PABPC4L: variants seen among roughly 807,000 people sequenced by gnomAD.
The protein encoded by PABPC4L is polyadenylate-binding protein 4-like.
For synonymous variants in PABPC4L, 169 were observed against 164.1 expected, an observed-to-expected ratio of 1.03 and a Z score of -0.23; for missense variants, 452 against 451.4, an observed-to-expected ratio of 1.00 and a Z score of -0.01.
the PABPC4L span, among the ~76,000 whole-genome samples, chr4:134,124,023 G>T: frequency 1.3e-5 from 2 of 152,212 alleles, no homozygotes; most frequent in Admixed American, 6.6e-5. Flanking sequence ...TTTTTAGAGA[G>T]AGTTCAAAGT....
chr4:133,980,547 A>AAATGTAGCTAGCCTC, the PABPC4L span, among the ~76,000 whole-genome samples: 1 of 152,174 alleles, frequency 6.6e-6, no homozygotes, highest in African/African-American at 2.4e-5. Flanking sequence ...CACACACACG[A>AAATGTAGCTAGCCTC]GACAGGGAAA....
At chr4:134,124,150 G>A in the PABPC4L span, among the ~76,000 whole-genome samples, 131 of 152,062 alleles carry the variant, frequency 8.6e-4, 1 homozygote, top group Non-Finnish European at 1.7e-3. Context: ...CCTGTAATAA[G>A]TACTGTGAAA....
chr4:133,951,101 TG>T, the PABPC4L span, among the ~76,000 whole-genome samples: 3 of 152,176 alleles, frequency 2.0e-5, 1 homozygote, highest in South Asian at 6.2e-4. Flanking sequence ...TTTGTTTGTT[TG>T]TTTTTTTGTT....
At chr4:133,966,624 G>C in the PABPC4L span, among the ~76,000 whole-genome samples, 9 of 152,230 alleles carry the variant, frequency 5.9e-5, no homozygotes, top group African/African-American at 1.9e-4. Flanking sequence ...ATACTACTCA[G>C]CCATAAAAAA....
chr4:133,975,982 C>T, the PABPC4L span, among the ~76,000 whole-genome samples: 16 of 152,076 alleles, frequency 1.1e-4, no homozygotes, highest in South Asian at 4.2e-4. Context: ...TTTTAAGTTC[C>T]GGGGTACATG....
the PABPC4L span, among the ~76,000 whole-genome samples, chr4:133,981,904 C>G: frequency 6.6e-6 from 1 of 151,862 alleles, no homozygotes; most frequent in African/African-American, 2.4e-5. Context: ...CAATTATTAA[C>G]TTTAACTGAC....
At chr4:134,112,366 A>T in the PABPC4L span, among the ~76,000 whole-genome samples, 21 of 151,972 alleles carry the variant, frequency 1.4e-4, no homozygotes, top group South Asian at 4.4e-3. Context: ...TTTACGGATG[A>T]TTTTATCGTT....
chr4:134,102,826 A>G, the PABPC4L span, among the ~76,000 whole-genome samples: 31 of 151,652 alleles, frequency 2.0e-4, no homozygotes, highest in African/African-American at 6.7e-4. Flanking sequence ...TTCTATATAT[A>G]TTTAAGTCTA....
chr4:133,955,522 A>G, the PABPC4L span, among the ~76,000 whole-genome samples: 4 of 152,288 alleles, frequency 2.6e-5, no homozygotes, highest in Middle Eastern at 3.4e-3. Flanking sequence ...TGAATATATG[A>G]ATACATTTTA....
rs1215703139 is a variant in PABPC4L, at chr4:134,199,803, C to T, written c.*104G>A. The T allele has an allele frequency of 2.2e-6, 3 of 1,379,422 alleles. No individual in the cohort carries two copies. Among genetic ancestry groups the T allele is most frequent in the South Asian group, 2.8e-5 (2 of 71,386 alleles). The allele number at this position is 1,379,422 out of a possible 1,614,324, so 85.4% of individuals were successfully genotyped here. A position where few individuals can be genotyped will look rare whatever the true frequency, so the allele number is the denominator to read the frequency against. ...ATCATAAAGTTTACTAAACTAAGCA[C>T]CCATCATGTGGAATATGAAATTTAC... On this transcript the variant is annotated 3_prime_UTR_variant, in exon 2 of 2. Transcript: ENST00000421491.
chr4:134,115,710 G>A, the PABPC4L span, among the ~76,000 whole-genome samples: 2 of 151,774 alleles, frequency 1.3e-5, no homozygotes, highest in African/African-American at 4.8e-5. Flanking sequence ...GCTGCTGGAT[G>A]TCAAAATTAG....
chr4:134,088,167 TA>T, the PABPC4L span, among the ~76,000 whole-genome samples: 1 of 152,070 alleles, frequency 6.6e-6, no homozygotes. Flanking sequence ...TCCTAAAAAT[TA>T]GAATATTCTG....
the PABPC4L span, among the ~76,000 whole-genome samples, chr4:133,956,337 G>T: frequency 1.6e-4 from 24 of 152,096 alleles, no homozygotes; most frequent in African/African-American, 5.8e-4. Context: ...GTAATAATAG[G>T]GAAGGAGATG....
the PABPC4L span, among the ~76,000 whole-genome samples, chr4:133,987,257 T>C: frequency 1.3e-5 from 2 of 152,190 alleles, no homozygotes; most frequent in Non-Finnish European, 2.9e-5. Context: ...AGGTATGTTA[T>C]ATAAATGCTG....
At chr4:134,151,317 T>C in the PABPC4L span, among the ~76,000 whole-genome samples, 4 of 152,192 alleles carry the variant, frequency 2.6e-5, no homozygotes, top group Non-Finnish European at 5.9e-5. Context: ...AATTAAAATC[T>C]CATAGTTGCA....
chr4:134,060,478 C>A, the PABPC4L span, among the ~76,000 whole-genome samples: 1 of 151,498 alleles, frequency 6.6e-6, no homozygotes, highest in African/African-American at 2.4e-5. Context: ...GTAAAGAGGA[C>A]CTTTGTCTTG....
At chr4:133,966,785 A>C in the PABPC4L span, among the ~76,000 whole-genome samples, 1 of 152,092 alleles carries the variant, frequency 6.6e-6, no homozygotes, top group African/African-American at 2.4e-5. Flanking sequence ...AGAATGATAC[A>C]ATGGACTTTG....
At chr4:134,148,613 T>C in the PABPC4L span, among the ~76,000 whole-genome samples, 1 of 152,108 alleles carries the variant, frequency 6.6e-6, no homozygotes, top group East Asian at 1.9e-4. Context: ...TCAGATTGTG[T>C]CTTATGCAAT....
At chr4:133,995,529 C>T in the PABPC4L span, among the ~76,000 whole-genome samples, 5 of 152,130 alleles carry the variant, frequency 3.3e-5, no homozygotes, top group African/African-American at 1.2e-4. Flanking sequence ...TAATTTGTCT[C>T]TTAATTCCCT....
Sources: gnomAD v4.1 joint callset for allele counts (sites outside exome capture counted in the v4.1 genomes callset) on GRCh38, gnomAD v4.1.1 for gene constraint, MANE v1.5 for transcripts, NCBI Gene and HGNC (gene_info 2026-07-23, HGNC 2026-07-21) for gene names.